Variants in SLC9B1 observed in about 807,000 individuals in gnomAD.
SLC9B1 encodes sodium/hydrogen exchanger 9B1.
Under a neutral mutation model 51.7 loss-of-function variants are expected in SLC9B1, and 32 were observed. The ratio of observed to expected loss-of-function variants is 0.62; its 90% CI spans 0.47 to 0.83. The LOEUF (loss-of-function observed/expected upper bound fraction) is 0.83, where lower values mean the gene tolerates loss of function less well. SLC9B1 is among the 40% of genes least tolerant of loss of function. The pLI, the probability that SLC9B1 is intolerant of heterozygous loss-of-function variation, is 0.00. For missense variants in SLC9B1, 406 were observed against 613.2 expected (o/e 0.66, Z 3.57); for synonymous variants, 145 against 212.7 (o/e 0.68, Z 2.77).
At chr4:102,924,780 T>C (rs1181205084) in intron 7 of SLC9B1, among the ~76,000 whole-genome samples, 1 of 152,220 alleles carries the variant, frequency 6.6e-6, no homozygotes, top group Non-Finnish European at 1.5e-5. Flanking sequence ...AAGACATCTA[T>C]GCAGCCAACA....
In SLC9B1 at chr4:102,924,070, T is replaced by G. The variant is rs555630962; in HGVS notation, c.829+8054A>C. ...GGAAAAAACTACTTTCAAGTTCATA[T>G]GGAACCAAAAAAGAACCTGCATTGC... On this transcript the variant is annotated intron_variant, in intron 7 of 11. Coordinates refer to ENST00000296422, the MANE Select transcript of SLC9B1 (RefSeq NM_139173.4). Among the ~76,000 whole-genome samples, 5 of 152,298 alleles carry G rather than the reference T, an allele frequency of 3.3e-5. No homozygotes were observed. In the South Asian group the frequency reaches 1.0e-3, roughly 32 times the overall value.
intron 3 of SLC9B1, among the ~76,000 whole-genome samples, chr4:102,970,697 T>G (rs1270004180): frequency 6.6e-5 from 10 of 152,120 alleles, no homozygotes; most frequent in Admixed American, 6.5e-4. Context: ...ACTGGCAAAC[T>G]GGATAAAGAG....
chr4:102,899,475 G>A (rs1026083160), downstream of SLC9B1, among the ~76,000 whole-genome samples: 1 of 151,652 alleles, frequency 6.6e-6, no homozygotes, highest in East Asian at 1.9e-4. Flanking sequence ...GTGCAGTGGT[G>A]CGATCTCAGC....
chr4:102,979,705 A>T (rs1739255443), intron 3 of SLC9B1, among the ~76,000 whole-genome samples: 1 of 152,156 alleles, frequency 6.6e-6, no homozygotes. Context: ...GAATGTGGAT[A>T]TTATTGTATT....
chr4:102,940,527 AAAAC>A (rs1186598692), intron 6 of SLC9B1, among the ~76,000 whole-genome samples: 3 of 151,852 alleles, frequency 2.0e-5, no homozygotes, highest in African/African-American at 4.8e-5. Flanking sequence ...TGGAGCCAAA[AAAAC>A]AAACAAACAA....
intron 11 of SLC9B1, chr4:102,892,232 A>G (rs1422581138): frequency 1.3e-5 from 2 of 151,728 alleles, no homozygotes; most frequent in African/African-American, 4.9e-5. Flanking sequence ...CTAATTTTTT[A>G]TTTTTCTAAG....
intron 3 of SLC9B1, among the ~76,000 whole-genome samples, chr4:102,970,033 G>A (rs1270900689): frequency 2.0e-5 from 3 of 152,168 alleles, no homozygotes; most frequent in Non-Finnish European, 4.4e-5. Context: ...GAAAGTGATG[G>A]GGAGAATGGA....
chr4:102,955,682 A>C (rs1029423957), intron 3 of SLC9B1, among the ~76,000 whole-genome samples: 2 of 151,898 alleles, frequency 1.3e-5, no homozygotes, highest in African/African-American at 4.8e-5. Flanking sequence ...TAAATGAGAG[A>C]TCCTGAGGGT....
At chr4:102,927,086 T>G (rs531837563) in intron 7 of SLC9B1, among the ~76,000 whole-genome samples, 1 of 152,288 alleles carries the variant, frequency 6.6e-6, no homozygotes, top group South Asian at 2.1e-4. Context: ...TTATACCTTA[T>G]ACAAAAATTA....
intron 3 of SLC9B1, among the ~76,000 whole-genome samples, chr4:102,973,471 G>A (rs1738869031): frequency 6.6e-6 from 1 of 152,050 alleles, no homozygotes; most frequent in Admixed American, 6.5e-5. Context: ...AAACCTCTGA[G>A]TCAATGAAAA....
intron 1 of SLC9B1, among the ~76,000 whole-genome samples, chr4:103,005,549 T>C (rs1740737606): frequency 6.6e-6 from 1 of 152,108 alleles, no homozygotes; most frequent in African/African-American, 2.4e-5. Flanking sequence ...GACAGATCAC[T>C]GAGGCAGAAA....
chr4:102,942,996 T>C (rs1364678504), intron 6 of SLC9B1, among the ~76,000 whole-genome samples: 1 of 151,630 alleles, frequency 6.6e-6, no homozygotes, highest in East Asian at 1.9e-4. Context: ...AACCAAATTA[T>C]CCTATCAAAA....
At chr4:102,902,021 T>G (rs779692380) in intron 11 of SLC9B1, among the ~76,000 whole-genome samples, 1 of 152,172 alleles carries the variant, frequency 6.6e-6, no homozygotes, top group Non-Finnish European at 1.5e-5. Context: ...GTAGTAAGTT[T>G]CTCTCTCCCT....
chr4:102,902,417 AG>A (rs1734832767), intron 11 of SLC9B1, among the ~76,000 whole-genome samples: 1 of 152,166 alleles, frequency 6.6e-6, no homozygotes, highest in Non-Finnish European at 1.5e-5. Flanking sequence ...ACTGAACGTG[AG>A]CCAGTGTGCT....
At chr4:102,991,816 T>C in intron 1 of SLC9B1, 104 bp from the exon 2 acceptor site, 1 of 732,842 alleles carries the variant, frequency 1.4e-6, no homozygotes, top group East Asian at 3.0e-5. Flanking sequence ...GATTTTTTGT[T>C]CTAAAGTTGT....
At chr4:102,986,403 T>C (rs1739627649) in intron 3 of SLC9B1, among the ~76,000 whole-genome samples, 1 of 152,160 alleles carries the variant, frequency 6.6e-6, no homozygotes, top group African/African-American at 2.4e-5. Context: ...GATTTTTTCT[T>C]TATCTTTGAC....
intron 1 of SLC9B1, among the ~76,000 whole-genome samples, chr4:102,994,793 T>C (rs1443044952): frequency 1.3e-5 from 2 of 152,038 alleles, no homozygotes; most frequent in Non-Finnish European, 2.9e-5. Context: ...GCCAGACAAT[T>C]ATAAAATCAT....
At chr4:103,005,192 A>C (rs1018032070) in intron 1 of SLC9B1, among the ~76,000 whole-genome samples, 3 of 151,870 alleles carry the variant, frequency 2.0e-5, no homozygotes, top group Non-Finnish European at 4.4e-5. Flanking sequence ...TCTTCAAAAG[A>C]CTCATCTCAC....
At chr4:102,897,944 G>C (rs1201928876), downstream of SLC9B1, 2 of 371,558 alleles carry the variant, frequency 5.4e-6, no homozygotes, top group Non-Finnish European at 1.0e-5. Context: ...GCAGCAGCCT[G>C]CTGTTCATGT....
Sources: allele counts gnomAD v4.1 joint callset (sites outside exome capture counted in the v4.1 genomes callset), GRCh38; gene constraint gnomAD v4.1.1; transcripts MANE v1.5; gene names NCBI Gene and HGNC (gene_info 2026-07-23, HGNC 2026-07-21).